The following SLC2A5 variants were observed in gnomAD, a reference collection of about 807,000 sequenced individuals.
SLC2A5 encodes solute carrier family 2, facilitated glucose transporter member 5.
Under a neutral mutation model 50.3 loss-of-function variants are expected in SLC2A5, and 56 were observed. The observed-to-expected ratio is 1.11, with a 90% CI of 0.90 to 1.39. The LOEUF is 1.39. Among genes scored for constraint, SLC2A5 ranks in the 40% most tolerant of loss-of-function variants. The pLI, the probability that SLC2A5 is intolerant of heterozygous loss-of-function variation, is 0.00. For synonymous variants in SLC2A5, 269 were observed against 281.9 expected (o/e 0.95, Z 0.46); for missense variants, 566 against 650.1 (o/e 0.87, Z 1.41).
At chr1:9,080,824 T>C (rs530856488) in intron 2 of SLC2A5, among the ~76,000 whole-genome samples, 1 of 152,372 alleles carries the variant, frequency 6.6e-6, no homozygotes, top group East Asian at 1.9e-4. Context: ...AATGTGCTTA[T>C]GGGACCTTTA....
chr1:9,041,600 C>G (rs1053362386), intron 5 of SLC2A5, 185 bp downstream of exon 5: 35 of 1,447,752 alleles, frequency 2.4e-5, no homozygotes, highest in Non-Finnish European at 3.1e-5. Flanking sequence ...AGTCCCTTAT[C>G]GCGCCTTTGT....
At chr1:9,038,972 C>T in intron 8 of SLC2A5, 43 bp from the exon 9 acceptor site, 1 of 1,588,764 alleles carries the variant, frequency 6.3e-7, no homozygotes, top group Non-Finnish European at 8.6e-7. Context: ...GGCCCAGCTT[C>T]ACCTCCCTCC....
chr1:9,062,643 G>A lies in SLC2A5; in HGVS notation c.34-4393C>T, dbSNP rs189333632. Reference sequence around the variant, plus strand: ...TCCCAGCAGTTTGGGAGGCCAAGGCGGGAGGATCACTTGAGACCAGGAGTT... The same window carrying A: ...TCCCAGCAGTTTGGGAGGCCAAGGCAGGAGGATCACTTGAGACCAGGAGTT... On this transcript the variant is annotated intron_variant, in intron 1 of 11. Transcript: ENST00000377424. Among the ~76,000 whole-genome samples, 447 of 151,992 alleles carry A rather than the reference G, an allele frequency of 2.9e-3. 3 individuals carry two copies. The highest frequency in any genetic ancestry group is 0.01 in the African/African-American group (433 of 41,408).
upstream of SLC2A5, chr1:9,071,967 T>C: frequency 8.8e-6 from 1 of 113,466 alleles, no homozygotes; most frequent in Non-Finnish European, 2.0e-5. Flanking sequence ...TCAGCCTCGG[T>C]CCCCCTCTGC....
rs575684270 is a variant in SLC2A5, at chr1:9,063,938, G to A, written c.33+5566C>T. ...TCTCGATCTCCTGACCTCGTGATCC[G>A]CCCGCCTCGGCCTCCCAAAGTGCTG... On this transcript the variant is annotated intron_variant, in intron 1 of 11. Coordinates refer to ENST00000377424, the MANE Select transcript of SLC2A5 (RefSeq NM_003039.3). Among the ~76,000 whole-genome samples, 11 of 130,092 alleles carry A rather than the reference G, an allele frequency of 8.5e-5. 1 individual carries two copies. Among genetic ancestry groups the A allele is most frequent in the Admixed American group, 1.5e-4 (2 of 13,572 alleles). 85.3% of individuals were successfully genotyped at this position (130,092 alleles called of 152,430 possible). A position where few individuals can be genotyped will look rare whatever the true frequency, so the allele number is the denominator to read the frequency against.
intron 1 of SLC2A5, among the ~76,000 whole-genome samples, chr1:9,060,239 C>T (rs111203702): frequency 1.1e-5 from 1 of 87,512 alleles, no homozygotes; most frequent in East Asian, 7.2e-4. Context: ...ACACACACAC[C>T]CCCCATGTAC....
intron 1 of SLC2A5, among the ~76,000 whole-genome samples, chr1:9,060,745 T>C (rs1348213515): frequency 7.1e-6 from 1 of 140,898 alleles, no homozygotes; most frequent in Admixed American, 7.3e-5. Flanking sequence ...GCACACACAA[T>C]AGGCTTGGCT....
intron 1 of SLC2A5, among the ~76,000 whole-genome samples, 188 bp from the exon 2 acceptor site, chr1:9,058,438 T>C (rs1175216322): frequency 6.6e-6 from 1 of 152,184 alleles, no homozygotes; most frequent in African/African-American, 2.4e-5. Context: ...CTTTTGACAC[T>C]TGGGGTCTGA....
chr1:9,057,566 C>G lies in SLC2A5; in HGVS notation c.175G>C (p.Gly59Arg). ...AAGGGGAAGTCTTCCATGAATTCAC[C>G]GGTCCTACCATAGTAAGTCTCATTG... ...FYNETYYGRT[G>R]EFMEDFPLTL... Residue 59 changes from glycine (G) to arginine (R), a missense_variant, in exon 3 of 12, where the codon GGT becomes CGT. Physicochemically the swap from Gly to Arg is moderately radical, Grantham distance 125. Transcript: ENST00000377424. 4 of 1,613,642 alleles carry G rather than the reference C, an allele frequency of 2.5e-6. No individual in the cohort carries two copies. The highest frequency in any genetic ancestry group is 3.4e-6 in the Non-Finnish European group (4 of 1,179,668).
intron 2 of SLC2A5, among the ~76,000 whole-genome samples, chr1:9,082,155 T>C (rs1642362159): frequency 6.6e-6 from 1 of 152,182 alleles, no homozygotes; most frequent in African/African-American, 2.4e-5. Context: ...CCGATGGGAA[T>C]GTAAAATGGT....
chr1:9,055,970 CA>C (rs1484905167), intron 3 of SLC2A5, among the ~76,000 whole-genome samples: 1 of 152,124 alleles, frequency 6.6e-6, no homozygotes, highest in Non-Finnish European at 1.5e-5. Flanking sequence ...GGCAAATAGC[CA>C]AATAGTGTTT....
chr1:9,084,033 A>T (rs2124483363), intron 2 of SLC2A5, among the ~76,000 whole-genome samples: 1 of 152,116 alleles, frequency 6.6e-6, no homozygotes, highest in South Asian at 2.1e-4. Context: ...AGTCCCAGCT[A>T]CGCGGGAGGC....
chr1:9,050,770 A>T (rs1641552951), intron 3 of SLC2A5, among the ~76,000 whole-genome samples: 1 of 152,218 alleles, frequency 6.6e-6, no homozygotes, highest in Admixed American at 6.5e-5. Flanking sequence ...CAATAAAGAC[A>T]AAAAGGGAAG....
At chr1:9,078,492 A>G (rs530675093) in intron 2 of SLC2A5, among the ~76,000 whole-genome samples, 2 of 152,334 alleles carry the variant, frequency 1.3e-5, no homozygotes, top group South Asian at 4.1e-4. Context: ...TATTGGGTAC[A>G]GTGTACAGCG....
chr1:9,041,423 T>C (rs1360696119), intron 5 of SLC2A5: 2 of 1,223,690 alleles, frequency 1.6e-6, no homozygotes, highest in Non-Finnish European at 2.1e-6. Context: ...GGGAGGGTCC[T>C]ATGAACTGAT....
intron 1 of SLC2A5, among the ~76,000 whole-genome samples, chr1:9,085,897 G>A (rs915561460): frequency 2.0e-5 from 3 of 152,174 alleles, no homozygotes; most frequent in Admixed American, 6.5e-5. Context: ...CTGCCAGGGA[G>A]AAAAGCTGAA....
chr1:9,074,560 G>A (rs1033274840), upstream of SLC2A5, among the ~76,000 whole-genome samples: 4 of 152,144 alleles, frequency 2.6e-5, no homozygotes, highest in Non-Finnish European at 5.9e-5. Context: ...TTTATCTGTC[G>A]CTGTCTGCTT....
chr1:9,060,623 A>C, intron 1 of SLC2A5, among the ~76,000 whole-genome samples: 1 of 102,230 alleles, frequency 9.8e-6, no homozygotes, highest in Non-Finnish European at 1.9e-5. Flanking sequence ...CACACACACC[A>C]CACATACACA....
At chr1:9,063,941 C>T (rs1404263061) in intron 1 of SLC2A5, among the ~76,000 whole-genome samples, 1 of 148,320 alleles carries the variant, frequency 6.7e-6, no homozygotes, top group East Asian at 2.0e-4. Flanking sequence ...GTGATCCGCC[C>T]GCCTCGGCCT....
Sources: gnomAD v4.1 joint callset for allele counts (sites outside exome capture counted in the v4.1 genomes callset) on GRCh38, gnomAD v4.1.1 for gene constraint, MANE v1.5 for transcripts, NCBI Gene and HGNC (gene_info 2026-07-23, HGNC 2026-07-21) for gene names.